Variants in SLCO1A2 observed in about 807,000 individuals in gnomAD.
SLCO1A2 encodes the protein OATP-1.
Under a neutral mutation model 69.0 loss-of-function variants are expected in SLCO1A2, and 67 were observed. The ratio of observed to expected loss-of-function variants is 0.97; its 90% CI spans 0.80 to 1.19. The LOEUF is 1.19. SLCO1A2 is among the 50% of genes most tolerant of loss of function. The probability of loss-of-function intolerance (pLI) is 0.00; values close to 1 mark genes in which losing one functional copy is unlikely to be tolerated. For missense variants in SLCO1A2, 787 were observed against 793.7 expected, an observed-to-expected ratio of 0.99 and a Z score of 0.10; for synonymous variants, 260 against 265.9, an observed-to-expected ratio of 0.98 and a Z score of 0.22.
At chr12:21,272,095 A>G (rs1050339041) in intron 14 of SLCO1A2, among the ~76,000 whole-genome samples, 1 of 151,562 alleles carries the variant, frequency 6.6e-6, no homozygotes, top group Non-Finnish European at 1.5e-5. Flanking sequence ...TTTTTATTAT[A>G]GACTTTCATC....
At chr12:21,338,715 A>T (rs1952969962), upstream of SLCO1A2, among the ~76,000 whole-genome samples, 1 of 151,902 alleles carries the variant, frequency 6.6e-6, no homozygotes, top group Non-Finnish European at 1.5e-5. Context: ...ATCTGCGTAG[A>T]CTAGGTAAGT....
chr12:21,411,487 GTTAA>G (rs1276465377), intron 1 of SLCO1A2, among the ~76,000 whole-genome samples: 2 of 152,058 alleles, frequency 1.3e-5, no homozygotes, highest in African/African-American at 4.8e-5. Flanking sequence ...CTCACACTGT[GTTAA>G]TTGTTATGGC....
upstream of SLCO1A2, among the ~76,000 whole-genome samples, chr12:21,395,856 A>G (rs1941432483): frequency 6.6e-6 from 1 of 152,018 alleles, no homozygotes; most frequent in Non-Finnish European, 1.5e-5. Context: ...GGACATCCAC[A>G]CCAAAAACCC....
At chr12:21,314,882 A>G (rs1950683190) in intron 3 of SLCO1A2, among the ~76,000 whole-genome samples, 1 of 152,222 alleles carries the variant, frequency 6.6e-6, no homozygotes, top group Non-Finnish European at 1.5e-5. Context: ...CAATGTAGAC[A>G]GATACAGAAA....
chr12:21,341,280 TAA>T (rs1953059905), intron 2 of SLCO1A2, among the ~76,000 whole-genome samples: 1 of 152,020 alleles, frequency 6.6e-6, no homozygotes, highest in Non-Finnish European at 1.5e-5. Context: ...ACCAGAATTT[TAA>T]AAGTGGTTAT....
Position 21,405,136 on chromosome 12 carries a change from G to A in SLCO1A2, c.-312+12746C>T, listed in dbSNP as rs138128177. Among the ~76,000 whole-genome samples, 50 of 149,712 alleles carry A rather than the reference G, an allele frequency of 3.3e-4. No homozygotes were observed. The East Asian group carries it at 8.5e-3, about 25-fold the overall frequency. ...GAGTCTGGATATTAGACCTTTGTAA[G>A]ATGCATAGATTGCAAAAATTTTCTC... On this transcript the variant is annotated intron_variant, in intron 1 of 4. Transcript: ENST00000413682.
chr12:21,376,403 C>T (rs1591898407), intron 1 of SLCO1A2: 3 of 274,266 alleles, frequency 1.1e-5, no homozygotes, highest in Non-Finnish European at 2.3e-5. Flanking sequence ...TATGAAATTA[C>T]TAGTTCAATC....
chr12:21,294,664 A>G (rs2136338604), intron 10 of SLCO1A2: 1 of 152,308 alleles, frequency 6.6e-6, no homozygotes, highest in South Asian at 2.1e-4. Flanking sequence ...CTTTCTACAC[A>G]TTCTGTCTGG....
At chr12:21,320,005 T>C (rs562293828) in intron 2 of SLCO1A2, among the ~76,000 whole-genome samples, 7 of 152,304 alleles carry the variant, frequency 4.6e-5, no homozygotes, top group African/African-American at 1.7e-4. Context: ...AAATTATAGA[T>C]AGATTTACAT....
Position 21,264,825 on chromosome 12 carries a change from C to A in SLCO1A2, c.*4723G>T, listed in dbSNP as rs878904537. ...TGACCACAGGATCATTTGATCATTA[C>A]TAACTGTGCAGGAATATTTACAACA... is the stretch of plus-strand genomic sequence containing the variant. On this transcript the variant is annotated 3_prime_UTR_variant, in exon 15 of 15. Transcript: ENST00000683939. 2.0e-5 allele frequency: 3 copies of A among 152,144 alleles called. No homozygotes were observed. The highest frequency in any genetic ancestry group is 2.0e-4 in the Admixed American group (3 of 15,264). 9.4% of individuals were successfully genotyped at this position (152,144 alleles called of 1,614,324 possible).
At chr12:21,304,689 G>A (rs1949135160) in intron 5 of SLCO1A2, 116 bp from the exon 6 acceptor site, 1 of 962,194 alleles carries the variant, frequency 1.0e-6, no homozygotes. Context: ...CCTTGTCAAT[G>A]ATTTATATTA....
chr12:21,400,903 G>C (rs1941677982), intron 1 of SLCO1A2, among the ~76,000 whole-genome samples: 1 of 143,112 alleles, frequency 7.0e-6, no homozygotes, highest in South Asian at 2.3e-4. Flanking sequence ...GGGAGGGATA[G>C]CATCGGGAGA....
chr12:21,373,495 A>G lies in SLCO1A2; in HGVS notation c.-63+904T>C, dbSNP rs1164551020. ...TAAAGTGTGAGAAAATTAGAATTAAATACTGTCAAATAACTACAGCCTTAG... is the reference window on the plus strand; with the variant it reads ...TAAAGTGTGAGAAAATTAGAATTAAGTACTGTCAAATAACTACAGCCTTAG... On this transcript the variant is annotated intron_variant, in intron 2 of 15. Coordinates refer to the SLCO1A2 transcript ENST00000307378. 1.3e-5 allele frequency: 14 copies of G among 1,040,006 alleles called. 1 individual carries two copies. In the South Asian group the frequency reaches 1.6e-4, roughly 12 times the overall value. The allele number at this position is 1,040,006 out of a possible 1,614,324, so 64.4% of individuals were successfully genotyped here.
intron 2 of SLCO1A2, among the ~76,000 whole-genome samples, chr12:21,365,791 T>C (rs1422390022): frequency 6.6e-6 from 1 of 152,046 alleles, no homozygotes; most frequent in East Asian, 1.9e-4. Context: ...AACAGACACA[T>C]GAAAAAATGC....
At chr12:21,321,335 G>A (rs184255142) in intron 2 of SLCO1A2, among the ~76,000 whole-genome samples, 4 of 152,176 alleles carry the variant, frequency 2.6e-5, no homozygotes, top group East Asian at 3.9e-4. Flanking sequence ...ACTACCACAC[G>A]TATGATGAAA....
At chr12:21,299,971 T>C (rs1948465504) in intron 8 of SLCO1A2, among the ~76,000 whole-genome samples, 1 of 147,404 alleles carries the variant, frequency 6.8e-6, no homozygotes, top group Admixed American at 6.8e-5. Flanking sequence ...TGTGTGTACA[T>C]ATATATGTGT....
chr12:21,339,343 T>G (rs1463083642), upstream of SLCO1A2, among the ~76,000 whole-genome samples: 1 of 151,894 alleles, frequency 6.6e-6, no homozygotes, highest in Non-Finnish European at 1.5e-5. Flanking sequence ...TAGAAAGAGG[T>G]GATTAATGAA....
intron 2 of SLCO1A2, among the ~76,000 whole-genome samples, chr12:21,349,006 C>A (rs955792435): frequency 3.9e-5 from 6 of 152,088 alleles, no homozygotes; most frequent in Admixed American, 3.9e-4. Flanking sequence ...GTATATACAG[C>A]TGTGGGGGTA....
At chr12:21,339,474 T>A (rs1172620045), upstream of SLCO1A2, among the ~76,000 whole-genome samples, 1 of 151,978 alleles carries the variant, frequency 6.6e-6, no homozygotes, top group African/African-American at 2.4e-5. Flanking sequence ...AGCCGTGTGT[T>A]TTTGTACAAG....
Sources: gnomAD v4.1 joint callset for allele counts (sites outside exome capture counted in the v4.1 genomes callset) on GRCh38, gnomAD v4.1.1 for gene constraint, MANE v1.5 for transcripts, NCBI Gene and HGNC (gene_info 2026-07-23, HGNC 2026-07-21) for gene names.